ME3: variants seen among roughly 807,000 people sequenced by gnomAD.
ME3 encodes the protein NADP-dependent malic enzyme, mitochondrial.
Under a neutral mutation model 68.9 loss-of-function variants are expected in ME3, and 48 were observed. The observed-to-expected ratio is 0.70, with a 90% confidence interval of 0.55 to 0.89. The LOEUF is 0.89. ME3 is among the 40% of genes least tolerant of loss of function. The probability of loss-of-function intolerance (pLI) is 0.00; values close to 1 mark genes in which losing one functional copy is unlikely to be tolerated. For synonymous variants in ME3, 320 were observed against 318.8 expected, an observed-to-expected ratio of 1.00 and a Z score of -0.04; for missense variants, 675 against 797.4, an observed-to-expected ratio of 0.85 and a Z score of 1.85.
intron 2 of ME3, among the ~76,000 whole-genome samples, chr11:86,593,192 C>T (rs1959156800): frequency 6.8e-6 from 1 of 147,828 alleles, no homozygotes; most frequent in Non-Finnish European, 1.5e-5. Flanking sequence ...ATTTCCTCCA[C>T]CCTCCTTCAC....
intron 2 of ME3, among the ~76,000 whole-genome samples, chr11:86,663,906 A>T (rs988927468): frequency 6.6e-6 from 1 of 152,198 alleles, no homozygotes; most frequent in African/African-American, 2.4e-5. Context: ...GGCAAAACAC[A>T]TATTTCTGTA....
chr11:86,667,556 A>T (rs1319362279), intron 2 of ME3, among the ~76,000 whole-genome samples: 1 of 152,238 alleles, frequency 6.6e-6, no homozygotes, highest in Admixed American at 6.5e-5. Context: ...ATATTTATTG[A>T]GCATTTCAAG....
chr11:86,601,218 A>G (rs1960593167), intron 2 of ME3, among the ~76,000 whole-genome samples: 1 of 151,978 alleles, frequency 6.6e-6, no homozygotes, highest in Non-Finnish European at 1.5e-5. Context: ...AGACTAATAA[A>G]GAAAAAAAGA....
intron 2 of ME3, among the ~76,000 whole-genome samples, chr11:86,582,081 C>A (rs1479801598): frequency 1.3e-5 from 2 of 152,260 alleles, no homozygotes; most frequent in African/African-American, 4.8e-5. Flanking sequence ...CTTAAAACAT[C>A]TTTAGCAAAG....
At chr11:86,510,175 C>T (rs1224604909) in intron 4 of ME3, among the ~76,000 whole-genome samples, 1 of 152,230 alleles carries the variant, frequency 6.6e-6, no homozygotes. Flanking sequence ...TCTCAACCCA[C>T]TGCAGTATGT....
chr11:86,623,886 T>C (rs1292265628), intron 2 of ME3, among the ~76,000 whole-genome samples: 2 of 152,168 alleles, frequency 1.3e-5, no homozygotes, highest in African/African-American at 4.8e-5. Flanking sequence ...TCTTCTGAAA[T>C]GTCTGCCCAG....
At chr11:86,637,212 A>T (rs919739251) in intron 2 of ME3, among the ~76,000 whole-genome samples, 4 of 152,184 alleles carry the variant, frequency 2.6e-5, no homozygotes, top group African/African-American at 9.7e-5. Flanking sequence ...AACAAATACT[A>T]TGAAGCATCT....
At chr11:86,475,414 A>G (rs1202925013) in intron 7 of ME3, among the ~76,000 whole-genome samples, 5 of 152,166 alleles carry the variant, frequency 3.3e-5, no homozygotes, top group Admixed American at 6.5e-5. Context: ...GCTTCCTGTA[A>G]AGCCGGCAGA....
At chr11:86,504,426 T>C (rs1952931257) in intron 5 of ME3, among the ~76,000 whole-genome samples, 1 of 130,014 alleles carries the variant, frequency 7.7e-6, no homozygotes, top group Admixed American at 8.4e-5. Flanking sequence ...GTCTCACTAC[T>C]CTCTCCCAGA....
chr11:86,567,242 G>GAAAGAAAGGAAGA (rs1554983088), intron 2 of ME3, among the ~76,000 whole-genome samples: 13 of 108,594 alleles, frequency 1.2e-4, no homozygotes, highest in African/African-American at 2.5e-4. Context: ...AGAAAAGAAA[G>GAAAGAAAGGAAGA]AAAGGAAGGA....
At chr11:86,654,192 C>T (rs976181242) in intron 2 of ME3, among the ~76,000 whole-genome samples, 3 of 152,102 alleles carry the variant, frequency 2.0e-5, no homozygotes, top group Admixed American at 6.6e-5. Flanking sequence ...TACCATTCCT[C>T]CTGAAACTAT....
At chr11:86,650,271 C>G (rs868143606) in intron 2 of ME3, among the ~76,000 whole-genome samples, 3 of 152,184 alleles carry the variant, frequency 2.0e-5, no homozygotes, top group Non-Finnish European at 4.4e-5. Context: ...AAAACTGAAA[C>G]TGGACCCCTT....
At chr11:86,534,279 CA>C (rs893014340) in intron 4 of ME3, among the ~76,000 whole-genome samples, 8 of 151,376 alleles carry the variant, frequency 5.3e-5, no homozygotes, top group African/African-American at 1.7e-4. Context: ...AAATTTTTTT[CA>C]AAAAAAATTT....
chr11:86,542,506 A>G (rs1347546876), intron 4 of ME3, among the ~76,000 whole-genome samples: 2 of 152,230 alleles, frequency 1.3e-5, no homozygotes, highest in Non-Finnish European at 2.9e-5. Flanking sequence ...CTTCATGAAC[A>G]ATACACAAGT....
chr11:86,442,182 T>C (rs1018849906), intron 14 of ME3, among the ~76,000 whole-genome samples: 1 of 152,230 alleles, frequency 6.6e-6, no homozygotes, highest in African/African-American at 2.4e-5. Context: ...TATTGCACCA[T>C]GTTCTGATTC....
At chr11:86,463,732 A>G (rs980556455) in intron 8 of ME3, among the ~76,000 whole-genome samples, 5 of 152,210 alleles carry the variant, frequency 3.3e-5, no homozygotes, top group Admixed American at 2.0e-4. Flanking sequence ...CAAATACAAA[A>G]AGTCGTCTAT....
intron 2 of ME3, among the ~76,000 whole-genome samples, chr11:86,631,521 C>A (rs1944014716): frequency 6.6e-6 from 1 of 152,080 alleles, no homozygotes; most frequent in Admixed American, 6.6e-5. Context: ...ATATCAGAAT[C>A]TCCTTGGTGA....
chr11:86,522,957 T>TC (rs1472746321), intron 4 of ME3, among the ~76,000 whole-genome samples: 1 of 152,170 alleles, frequency 6.6e-6, no homozygotes, highest in Admixed American at 6.5e-5. Context: ...GATTTTGGTA[T>TC]CCGGGGGGAA....
At chr11:86,598,268 G>A (rs76942180) in intron 2 of ME3, among the ~76,000 whole-genome samples, 4 of 152,218 alleles carry the variant, frequency 2.6e-5, no homozygotes, top group Admixed American at 1.3e-4. Flanking sequence ...TTTCCGACGG[G>A]CTTAGGAAAT....
Sources: gnomAD v4.1 joint callset for allele counts (sites outside exome capture counted in the v4.1 genomes callset) on GRCh38, gnomAD v4.1.1 for gene constraint, MANE v1.5 for transcripts, NCBI Gene and HGNC (gene_info 2026-07-23, HGNC 2026-07-21) for gene names.